CLYBL: variants seen among roughly 807,000 people sequenced by gnomAD.
CLYBL encodes citramalyl-CoA lyase, mitochondrial.
In CLYBL, 31 loss-of-function variants were observed where a neutral mutation model predicts 38.9. The observed-to-expected ratio is 0.80, with a 90% CI of 0.60 to 1.08. The LOEUF is 1.08. Among genes scored for constraint, CLYBL ranks in the 50% least tolerant of loss-of-function variants. The pLI, the probability that CLYBL is intolerant of heterozygous loss-of-function variation, is 0.00. For missense variants in CLYBL, 434 were observed against 411.6 expected (o/e 1.05, Z -0.47); for synonymous variants, 171 against 158.6 (o/e 1.08, Z -0.59).
chr13:99,702,696 A>G (rs1428591306), intron 1 of CLYBL, among the ~76,000 whole-genome samples: 1 of 152,196 alleles, frequency 6.6e-6, no homozygotes, highest in East Asian at 1.9e-4. Flanking sequence ...GCAAGTTCAA[A>G]ATAAAACAGA....
intron 1 of CLYBL, among the ~76,000 whole-genome samples, chr13:99,616,678 G>C (rs1241138852): frequency 1.3e-5 from 2 of 152,194 alleles, no homozygotes; most frequent in Non-Finnish European, 2.9e-5. Context: ...GAATGGGCTG[G>C]GCATTGGTGG....
At chr13:99,900,596 A>C (rs9513679), downstream of CLYBL, among the ~76,000 whole-genome samples, 80,648 of 151,756 alleles carry the variant, frequency 0.53, 22,622 homozygotes, top group Non-Finnish European at 0.63. Context: ...CAACTATTGG[A>C]CCTGCTAGGG....
chr13:99,725,441 T>C (rs2048456872), intron 1 of CLYBL, among the ~76,000 whole-genome samples: 1 of 152,202 alleles, frequency 6.6e-6, no homozygotes, highest in African/African-American at 2.4e-5. Flanking sequence ...AAGTTGAAGA[T>C]TGGCCCCAGG....
intron 2 of CLYBL, among the ~76,000 whole-genome samples, chr13:99,774,308 A>G (rs2049464175): frequency 1.3e-5 from 2 of 152,230 alleles, no homozygotes; most frequent in African/African-American, 2.4e-5. Context: ...ACTGTATAGT[A>G]GTTGCTTTTT....
In CLYBL at chr13:99,834,526, G is replaced by GT. The variant is rs895251218; in HGVS notation, c.250-24334dup. Among the ~76,000 whole-genome samples the GT allele has an allele frequency of 2.6e-5, 4 of 152,176 alleles. 1 individual carries two copies. The highest frequency in any genetic ancestry group is 5.9e-5 in the Non-Finnish European group (4 of 68,026). ...GAGGGAGCTCCACTGGTGCAGTGCTGTGGTTCTCCCACCCCAGCCCACATC... is the reference window on the plus strand; with the variant it reads ...GAGGGAGCTCCACTGGTGCAGTGCTGTTGGTTCTCCCACCCCAGCCCACATC... On this transcript the variant is annotated intron_variant, in intron 2 of 8. Transcript: ENST00000339105.
intron 1 of CLYBL, among the ~76,000 whole-genome samples, chr13:99,756,314 C>T (rs1001464910): frequency 6.6e-6 from 1 of 152,192 alleles, no homozygotes; most frequent in Non-Finnish European, 1.5e-5. Context: ...TCAGCAAGCC[C>T]AAGTCCTTTT....
chr13:99,812,273 T>C (rs764510972), intron 2 of CLYBL, among the ~76,000 whole-genome samples: 1 of 152,232 alleles, frequency 6.6e-6, no homozygotes, highest in Non-Finnish European at 1.5e-5. Flanking sequence ...CCTATTGTTA[T>C]GGGTTTGAGG....
At chr13:99,617,559 A>T (rs2046731100) in intron 1 of CLYBL, among the ~76,000 whole-genome samples, 1 of 152,208 alleles carries the variant, frequency 6.6e-6, no homozygotes. Context: ...TTTCGTAGTG[A>T]GGCACTGGAG....
intron 2 of CLYBL, among the ~76,000 whole-genome samples, chr13:99,793,033 A>AACACACACACACACAC (rs10631674): frequency 2.1e-5 from 3 of 145,950 alleles, no homozygotes; most frequent in African/African-American, 5.2e-5. Flanking sequence ...GTGCATACAT[A>AACACACACACACACAC]ACACACACAC....
At chr13:99,784,381 T>C (rs1048648861) in intron 2 of CLYBL, among the ~76,000 whole-genome samples, 2 of 151,628 alleles carry the variant, frequency 1.3e-5, no homozygotes, top group South Asian at 2.1e-4. Context: ...CGTGTCCTTA[T>C]TTTTCTTTCA....
At chr13:99,610,417 A>G (rs2046608602) in intron 1 of CLYBL, among the ~76,000 whole-genome samples, 1 of 152,166 alleles carries the variant, frequency 6.6e-6, no homozygotes, top group African/African-American at 2.4e-5. Context: ...CAACTCTGGA[A>G]ATCAGATTTC....
At chr13:99,753,826 T>G (rs1442953944) in intron 1 of CLYBL, among the ~76,000 whole-genome samples, 2 of 151,992 alleles carry the variant, frequency 1.3e-5, no homozygotes, top group African/African-American at 4.8e-5. Flanking sequence ...CGGTGGCTCA[T>G]GCCTGTAATC....
At chr13:99,806,040 T>A (rs1239584101) in intron 2 of CLYBL, among the ~76,000 whole-genome samples, 1 of 152,222 alleles carries the variant, frequency 6.6e-6, no homozygotes, top group Non-Finnish European at 1.5e-5. Flanking sequence ...ACTATAATTT[T>A]ATAATTGTTT....
chr13:99,845,709 G>A (rs767097425), intron 2 of CLYBL, among the ~76,000 whole-genome samples: 11 of 152,154 alleles, frequency 7.2e-5, no homozygotes, highest in African/African-American at 1.2e-4. Flanking sequence ...GGCACACCGC[G>A]ACAGGCTGCG....
At chr13:99,624,384 G>A (rs2046840759) in intron 1 of CLYBL, among the ~76,000 whole-genome samples, 1 of 152,198 alleles carries the variant, frequency 6.6e-6, no homozygotes, top group Non-Finnish European at 1.5e-5. Context: ...TGAGCGGGTG[G>A]AAAGGCAAAG....
intron 1 of CLYBL, among the ~76,000 whole-genome samples, chr13:99,676,240 T>TTCCTTCCCTC (rs1566606854): frequency 1.2e-5 from 1 of 84,210 alleles, no homozygotes; most frequent in African/African-American, 4.4e-5. Context: ...TTCCTTCCTT[T>TTCCTTCCCTC]CCTCCCTTTC....
chr13:99,738,589 T>A (rs1358892250), intron 1 of CLYBL, among the ~76,000 whole-genome samples: 1 of 152,128 alleles, frequency 6.6e-6, no homozygotes, highest in Non-Finnish European at 1.5e-5. Flanking sequence ...TTGTGCTCAA[T>A]GGTGATAAGC....
chr13:99,800,894 C>CAA (rs1389621348), intron 2 of CLYBL, among the ~76,000 whole-genome samples: 129 of 114,500 alleles, frequency 1.1e-3, no homozygotes, highest in African/African-American at 3.7e-3. Context: ...ACAACAACAA[C>CAA]AAAAAAAAAA....
intron 1 of CLYBL, among the ~76,000 whole-genome samples, chr13:99,623,979 A>G (rs1045592079): frequency 2.0e-5 from 3 of 147,622 alleles, no homozygotes; most frequent in African/African-American, 5.0e-5. Context: ...AAAAAAAAAG[A>G]TGAGATGATG....
Sources: gnomAD v4.1 joint callset for allele counts (sites outside exome capture counted in the v4.1 genomes callset) on GRCh38, gnomAD v4.1.1 for gene constraint, MANE v1.5 for transcripts, NCBI Gene and HGNC (gene_info 2026-07-23, HGNC 2026-07-21) for gene names.